TTLL5: variants seen among roughly 807,000 people sequenced by gnomAD.
TTLL5 encodes tubulin tyrosine ligase like 5.
TTLL5 carries 132 observed loss-of-function variants against 168.4 expected under a neutral mutation model. The ratio of observed to expected loss-of-function variants is 0.78; its 90% CI spans 0.68 to 0.91. TTLL5 has a LOEUF of 0.91. Among genes scored for constraint, TTLL5 ranks in the 40% least tolerant of loss-of-function variants. TTLL5 has a pLI of 0.00. For synonymous variants in TTLL5, 546 were observed against 558.6 expected, an observed-to-expected ratio of 0.98 and a Z score of 0.32; for missense variants, 1,545 against 1,581.5, an observed-to-expected ratio of 0.98 and a Z score of 0.39.
chr14:75,886,550 C>T, intron 30 of TTLL5: 1 of 987,308 alleles, frequency 1.0e-6, no homozygotes, highest in Non-Finnish European at 1.5e-6. Flanking sequence ...TTGTAGTTCT[C>T]AAATTCATAT....
rs944371602 is a variant in TTLL5, at chr14:75,792,937, A to T, written c.3008A>T (p.His1003Leu). Reference sequence around the variant, plus strand: ...GCAGGATCGTGCTATCTAAACAAGCATCATTCAGGAATAGCCAAAACACAA... The same window carrying T: ...GCAGGATCGTGCTATCTAAACAAGCTTCATTCAGGAATAGCCAAAACACAA... The part of the protein sequence containing the change: ...AKAGSCYLNK[H>L]HSGIAKTQKE... The change falls in exon 27 of 32, where the codon CAT (histidine) becomes CTT (leucine). Residue 1003 changes from histidine (H) to leucine (L), a missense_variant. His to Leu is a moderately conservative substitution (Grantham distance 99). Coordinates refer to ENST00000298832, the MANE Select transcript of TTLL5 (RefSeq NM_015072.5). 1 of 1,609,738 alleles carries T rather than the reference A, an allele frequency of 6.2e-7. No homozygotes were observed. Among genetic ancestry groups the T allele is most frequent in the African/African-American group, 1.3e-5 (1 of 74,862 alleles).
At chr14:75,930,980 C>G (rs977418129) in intron 31 of TTLL5, among the ~76,000 whole-genome samples, 1 of 152,160 alleles carries the variant, frequency 6.6e-6, no homozygotes, top group African/African-American at 2.4e-5. Context: ...AGCTCCCCAT[C>G]CTTGCTTGCT....
intron 28 of TTLL5, among the ~76,000 whole-genome samples, chr14:75,828,431 C>T (rs1309487354): frequency 6.6e-6 from 1 of 152,116 alleles, no homozygotes; most frequent in Non-Finnish European, 1.5e-5. Flanking sequence ...ATGATTTTCT[C>T]AATAAATTTT....
intron 31 of TTLL5, among the ~76,000 whole-genome samples, chr14:75,916,362 C>G (rs917906586): frequency 5.3e-5 from 8 of 151,848 alleles, no homozygotes; most frequent in Non-Finnish European, 8.8e-5. Context: ...GAATTACTGG[C>G]CAGGTGCAGT....
intron 12 of TTLL5, among the ~76,000 whole-genome samples, chr14:75,726,386 A>G (rs1364038799): frequency 2.0e-5 from 3 of 152,174 alleles, no homozygotes; most frequent in Admixed American, 1.3e-4. Context: ...CTCAAAAACT[A>G]TGCATTGTTT....
rs1566598275 is a variant in TTLL5 at position 75,773,967 on chromosome 14, G to GAGAGAA, written c.2137-1512_2137-1511insAAGAGA. 4.5e-4 allele frequency among the ~76,000 whole-genome samples: 46 copies of GAGAGAA among 101,548 alleles called. 2 individuals carry two copies. The highest frequency in any genetic ancestry group is 1.5e-3 in the African/African-American group (36 of 24,788). 66.6% of individuals were successfully genotyped at this position (101,548 alleles called of 152,430 possible). On this transcript the variant is annotated intron_variant, in intron 21 of 31. Transcript: ENST00000298832. Reference sequence around the variant, plus strand: ...AGAGAGAGAGAGAGAAAGAGAGAGAGAGAGAGAGAGAGAGAGAGAGAGAGA... The same window carrying GAGAGAA: ...AGAGAGAGAGAGAGAAAGAGAGAGAGAGAGAAAGAGAGAGAGAGAGAGAGAGAGAGA...
At chr14:75,669,313 G>T in intron 2 of TTLL5, 103 bp from the exon 3 acceptor site, 1 of 1,037,910 alleles carries the variant, frequency 9.6e-7, no homozygotes, top group Middle Eastern at 2.5e-4. Flanking sequence ...TTGTATTCCA[G>T]AAGGAAGGGG....
At chr14:75,663,325 C>A in intron 2 of TTLL5, 102 bp downstream of exon 2, 1 of 1,110,914 alleles carries the variant, frequency 9.0e-7, no homozygotes, top group Non-Finnish European at 1.3e-6. Flanking sequence ...TACTTATGTA[C>A]TCTTTTATCT....
At chr14:75,668,001 T>A (rs1190727244) in intron 2 of TTLL5, among the ~76,000 whole-genome samples, 1 of 152,024 alleles carries the variant, frequency 6.6e-6, no homozygotes, top group Non-Finnish European at 1.5e-5. Flanking sequence ...CCTCGTGATC[T>A]GTCTGCCTCG....
intron 4 of TTLL5, among the ~76,000 whole-genome samples, chr14:75,682,967 C>G (rs2140121079): frequency 6.6e-6 from 1 of 152,086 alleles, no homozygotes; most frequent in East Asian, 1.9e-4. Flanking sequence ...GAGACAGGGT[C>G]TTAATATGTT....
chr14:75,834,780 T>C (rs1895784002), intron 28 of TTLL5, among the ~76,000 whole-genome samples: 1 of 152,150 alleles, frequency 6.6e-6, no homozygotes, highest in South Asian at 2.1e-4. Context: ...GAACTTGCGC[T>C]TTGGGCTGGG....
At chr14:75,753,103 C>T (rs1594972921) in intron 18 of TTLL5, 148 bp downstream of exon 18, 1 of 653,022 alleles carries the variant, frequency 1.5e-6, no homozygotes, top group South Asian at 2.5e-5. Context: ...TATCATGACT[C>T]ATTTTTCCAG....
intron 31 of TTLL5, among the ~76,000 whole-genome samples, chr14:75,937,179 C>G (rs976220927): frequency 6.6e-6 from 1 of 151,088 alleles, no homozygotes; most frequent in Non-Finnish European, 1.5e-5. Flanking sequence ...TGCAGTGGCA[C>G]GATCTCAGCT....
rs779098649 is a variant in TTLL5, at chr14:75,902,176, C to T, written c.3775C>T (p.Gln1259Ter). 1 of 1,614,136 alleles carries T rather than the reference C, an allele frequency of 6.2e-7. No individual in the cohort carries two copies. The highest frequency in any genetic ancestry group is 1.7e-5 in the Admixed American group (1 of 60,020). ...CGCGGAAGGGCAGCTGAATGGACTCCAGAGCAGCCTTAACCCTGCAGCCTT... is the reference window on the plus strand; with the variant it reads ...CGCGGAAGGGCAGCTGAATGGACTCTAGAGCAGCCTTAACCCTGCAGCCTT... ...SSAEGQLNGL[Q>*]SSLNPAAFVP... Residue 1259 changes from glutamine to a stop codon, truncating the protein, a stop_gained, in exon 31 of 32, where the codon CAG becomes TAG. Transcript: ENST00000298832. LOFTEE classifies it high-confidence loss of function.
intron 3 of TTLL5, among the ~76,000 whole-genome samples, chr14:75,670,167 T>C (rs78913320): frequency 6.6e-6 from 1 of 152,228 alleles, no homozygotes. Context: ...CACATTTTGT[T>C]TATCCAGTCA....
chr14:75,707,164 A>G (rs1886714466), intron 8 of TTLL5, 77 bp downstream of exon 8: 5 of 1,138,922 alleles, frequency 4.4e-6, no homozygotes, highest in Middle Eastern at 2.0e-4. Context: ...AGCCTTCTCT[A>G]GTAAGTCTTT....
intron 6 of TTLL5, among the ~76,000 whole-genome samples, chr14:75,691,680 A>T (rs1369776575): frequency 1.3e-5 from 2 of 152,226 alleles, no homozygotes; most frequent in African/African-American, 4.8e-5. Flanking sequence ...CACTTCTCCC[A>T]TGAGGAACAT....
intron 15 of TTLL5, among the ~76,000 whole-genome samples, chr14:75,736,013 G>T (rs1888879866): frequency 6.6e-6 from 1 of 151,612 alleles, no homozygotes; most frequent in African/African-American, 2.4e-5. Flanking sequence ...TGATTGCTTT[G>T]CCTGCTCAGA....
intron 30 of TTLL5, among the ~76,000 whole-genome samples, chr14:75,900,507 G>A (rs2032876945): frequency 6.6e-6 from 1 of 152,038 alleles, no homozygotes; most frequent in Non-Finnish European, 1.5e-5. Context: ...GAATCACCTG[G>A]GCACCTGGGG....
Sources: gnomAD v4.1 joint callset for allele counts (sites outside exome capture counted in the v4.1 genomes callset) on GRCh38, gnomAD v4.1.1 for gene constraint, MANE v1.5 for transcripts, NCBI Gene and HGNC (gene_info 2026-07-23, HGNC 2026-07-21) for gene names.